Variants in CSMD1 observed in about 807,000 individuals in gnomAD.
CSMD1 encodes CUB and Sushi multiple domains 1, also known as CUB and sushi domain-containing protein 1.
A neutral mutation model predicts 417.5 loss-of-function variants in CSMD1; 213 were observed. That is an observed-to-expected ratio of 0.51 (90% CI 0.46 to 0.57). The LOEUF (loss-of-function observed/expected upper bound fraction) is 0.57. Ranked by LOEUF, CSMD1 falls within the 20% of genes least tolerant of loss-of-function variation. CSMD1 has a pLI of 0.00. For synonymous variants in CSMD1, 2,862 were observed against 1,736.8 expected, an observed-to-expected ratio of 1.65 and a Z score of -16.11; for missense variants, 6,923 against 4,529.7, an observed-to-expected ratio of 1.53 and a Z score of -15.17.
chr8:4,847,325 T>G (rs1227059969), intron 1 of CSMD1, among the ~76,000 whole-genome samples: 1 of 152,220 alleles, frequency 6.6e-6, no homozygotes, highest in Admixed American at 6.5e-5. Context: ...ACAACAGATC[T>G]TGCACATTTG....
At chr8:3,883,988 C>T (rs934145973) in intron 5 of CSMD1, among the ~76,000 whole-genome samples, 1 of 152,178 alleles carries the variant, frequency 6.6e-6, no homozygotes. Context: ...GATAAACAGA[C>T]ACATTTGAAG....
intron 12 of CSMD1, among the ~76,000 whole-genome samples, chr8:3,448,721 G>A (rs1444723026): frequency 6.6e-6 from 1 of 152,132 alleles, no homozygotes; most frequent in East Asian, 1.9e-4. Flanking sequence ...TCTAGGCTGA[G>A]CTCACTCCTG....
intron 25 of CSMD1, among the ~76,000 whole-genome samples, chr8:3,305,025 T>C (rs1242316891): frequency 6.6e-6 from 1 of 152,172 alleles, no homozygotes; most frequent in Non-Finnish European, 1.5e-5. Flanking sequence ...GAATTCAAAG[T>C]TAAGGACTAA....
At chr8:4,686,717 T>C (rs1302500814) in intron 1 of CSMD1, among the ~76,000 whole-genome samples, 2 of 152,222 alleles carry the variant, frequency 1.3e-5, no homozygotes, top group Admixed American at 1.3e-4. Flanking sequence ...TGTAGGCTTT[T>C]AACTATTTTG....
intron 49 of CSMD1, among the ~76,000 whole-genome samples, chr8:3,059,172 A>T (rs1324177615): frequency 1.3e-5 from 2 of 151,902 alleles, no homozygotes; most frequent in African/African-American, 4.8e-5. Context: ...CACGACTATT[A>T]ATAATAATGG....
At chr8:3,084,524 C>T (rs1179563625) in intron 49 of CSMD1, among the ~76,000 whole-genome samples, 1 of 97,580 alleles carries the variant, frequency 1.0e-5, no homozygotes, top group Admixed American at 1.2e-4. Flanking sequence ...AACTCCGTCT[C>T]AAAAAAAAAA....
intron 1 of CSMD1, among the ~76,000 whole-genome samples, chr8:4,956,832 C>G (rs1187887668): frequency 6.6e-6 from 1 of 152,188 alleles, no homozygotes; most frequent in East Asian, 1.9e-4. Context: ...TGCTTCCACG[C>G]ACCTCCTGCA....
intron 18 of CSMD1, 34 bp downstream of exon 18, chr8:3,387,460 C>T (rs886911585): frequency 2.6e-6 from 4 of 1,553,252 alleles, no homozygotes; most frequent in Non-Finnish European, 3.5e-6. Context: ...TCTGCACACC[C>T]TGCTGGTGCA....
chr8:3,943,663 C>T (rs1811040166), intron 5 of CSMD1, among the ~76,000 whole-genome samples: 1 of 152,116 alleles, frequency 6.6e-6, no homozygotes, highest in African/African-American at 2.4e-5. Context: ...GACAAGTCAA[C>T]AGGGGTCCCC....
intron 3 of CSMD1, among the ~76,000 whole-genome samples, chr8:4,224,843 C>T (rs1801249891): frequency 6.6e-6 from 1 of 152,206 alleles, no homozygotes. Context: ...GGCGCTGTGG[C>T]TCACGCCTGT....
chr8:3,915,500 C>G (rs371514851), intron 5 of CSMD1, among the ~76,000 whole-genome samples: 8 of 148,948 alleles, frequency 5.4e-5, no homozygotes, highest in Non-Finnish European at 8.9e-5. Context: ...TGACATGAAA[C>G]AGGACATTAC....
intron 2 of CSMD1, among the ~76,000 whole-genome samples, chr8:4,446,548 G>A (rs896082669): frequency 2.0e-5 from 3 of 152,020 alleles, no homozygotes; most frequent in Non-Finnish European, 4.4e-5. Context: ...CCCCGGTTCT[G>A]CTTTGTTTTG....
intron 3 of CSMD1, among the ~76,000 whole-genome samples, chr8:4,167,954 C>G (rs1455737467): frequency 6.6e-6 from 1 of 151,862 alleles, no homozygotes; most frequent in African/African-American, 2.4e-5. Context: ...ATGGTGAAAC[C>G]CTATCTCTAC....
In CSMD1 at chr8:4,871,175, A is replaced by C. The variant is rs1286657173; in HGVS notation, c.85+123157T>G. ...AAGGCAAATAAGTAGCATGGGATTC[A>C]TCATGTATGAGTATTTCCATAGGAT... is the stretch of plus-strand genomic sequence containing the variant. On this transcript the variant is annotated intron_variant, in intron 1 of 69. Coordinates refer to ENST00000635120, the MANE Select transcript of CSMD1 (RefSeq NM_033225.6). Among the ~76,000 whole-genome samples the C allele has an allele frequency of 2.0e-5, 3 of 152,140 alleles. No homozygotes were observed. In the South Asian group the frequency reaches 6.2e-4, roughly 31 times the overall value.
At chr8:3,402,715 GTTC>G (rs1469769054) in intron 15 of CSMD1, among the ~76,000 whole-genome samples, 3 of 151,726 alleles carry the variant, frequency 2.0e-5, no homozygotes, top group South Asian at 4.2e-4. Context: ...TTCTTTCCTA[GTTC>G]TTTTTATCAG....
At chr8:4,414,915 A>G (rs1308764439) in intron 3 of CSMD1, among the ~76,000 whole-genome samples, 1 of 152,168 alleles carries the variant, frequency 6.6e-6, no homozygotes, top group Non-Finnish European at 1.5e-5. Context: ...GGAATTCAGA[A>G]TTCATTTAAT....
intron 3 of CSMD1, among the ~76,000 whole-genome samples, chr8:4,134,416 C>T (rs1426212570): frequency 6.6e-6 from 1 of 152,122 alleles, no homozygotes; most frequent in Non-Finnish European, 1.5e-5. Flanking sequence ...CCTTTGAAGA[C>T]AGAGGGAGAA....
intron 3 of CSMD1, among the ~76,000 whole-genome samples, chr8:4,328,667 G>C (rs141878413): frequency 1.1e-3 from 164 of 152,070 alleles, no homozygotes; most frequent in Non-Finnish European, 2.0e-3. Context: ...TCTTTGAAAG[G>C]CATGTCTACA....
chr8:4,390,497 TTTTATTTA>T (rs142679522), intron 3 of CSMD1, among the ~76,000 whole-genome samples: 6 of 140,324 alleles, frequency 4.3e-5, no homozygotes, highest in Non-Finnish European at 9.2e-5. Flanking sequence ...AAGCGTCCAT[TTTTATTTA>T]TTTATTTATT....
Sources: allele counts gnomAD v4.1 joint callset (sites outside exome capture counted in the v4.1 genomes callset), GRCh38; gene constraint gnomAD v4.1.1; transcripts MANE v1.5; gene names NCBI Gene and HGNC (gene_info 2026-07-23, HGNC 2026-07-21).